Variants in COG2 observed in about 807,000 individuals in gnomAD.
COG2 encodes conserved oligomeric Golgi complex subunit 2.
A neutral mutation model predicts 90.6 loss-of-function variants in COG2; 52 were observed. The observed-to-expected ratio is 0.57, with a 90% confidence interval of 0.46 to 0.72. The LOEUF (loss-of-function observed/expected upper bound fraction) is 0.72. Ranked by LOEUF, COG2 falls within the 30% of genes least tolerant of loss-of-function variation. The pLI is 0.00. For missense variants in COG2, 829 were observed against 891.2 expected, an observed-to-expected ratio of 0.93 and a Z score of 0.89; for synonymous variants, 337 against 320.4, an observed-to-expected ratio of 1.05 and a Z score of -0.55.
chr1:230,674,849 G>A, intron 8 of COG2, 149 bp from the exon 9 acceptor site: 2 of 592,882 alleles, frequency 3.4e-6, no homozygotes, highest in Admixed American at 3.8e-5. Context: ...ACTTGAGTCT[G>A]GAAACAAACT....
intron 17 of COG2, 113 bp downstream of exon 17, chr1:230,691,677 T>C: frequency 1.0e-6 from 1 of 984,806 alleles, no homozygotes. Context: ...GGCTAGGGAA[T>C]TGCTTCCTGT....
At chr1:230,686,710 A>C (rs531094910) in intron 12 of COG2, among the ~76,000 whole-genome samples, 1 of 152,284 alleles carries the variant, frequency 6.6e-6, no homozygotes, top group East Asian at 1.9e-4. Context: ...GACAAGTTCC[A>C]GAAGGTAAAT....
At position 230,669,452 on chromosome 1, in the gene COG2, T is replaced by C; in HGVS notation, c.691T>C (p.Leu231=). 1 of 1,614,128 alleles carries C rather than the reference T, an allele frequency of 6.2e-7. No homozygotes were observed. Among genetic ancestry groups the C allele is most frequent in the Non-Finnish European group, 8.5e-7 (1 of 1,179,988 alleles). Residue 231 remains leucine (L), a synonymous_variant, in exon 7 of 18, where the codon TTG becomes CTG. Coordinates refer to ENST00000366669, the MANE Select transcript of COG2 (RefSeq NM_007357.3). ...TSDVDIIRHC[L]RTYATIDKTR... The stretch of plus-strand genomic sequence containing the variant: ...TGACGTCGATATAATACGGCACTGC[T>C]TGCGGACTTACGCCACGATTGACAA...
intron 10 of COG2, chr1:230,680,097 T>C (rs1662703670): frequency 6.6e-6 from 1 of 152,234 alleles, no homozygotes; most frequent in Non-Finnish European, 1.5e-5. Flanking sequence ...AATTACGGAT[T>C]TGTTCATCTA....
At chr1:230,685,013 G>A (rs1470596025) in intron 11 of COG2, 72 bp from the exon 12 acceptor site, 6 of 1,000,026 alleles carry the variant, frequency 6.0e-6, no homozygotes, top group Non-Finnish European at 8.9e-6. Flanking sequence ...TACATCGGAA[G>A]TCTCACATTA....
chr1:230,672,664 T>TAA (rs11297922), intron 8 of COG2, among the ~76,000 whole-genome samples: 2 of 146,486 alleles, frequency 1.4e-5, no homozygotes, highest in African/African-American at 5.0e-5. Context: ...AACCCCATCT[T>TAA]AAAAAAAAAA....
chr1:230,683,435 G>C (rs906641616), intron 10 of COG2, 139 bp from the exon 11 acceptor site: 16 of 570,666 alleles, frequency 2.8e-5, no homozygotes, highest in Non-Finnish European at 3.1e-5. Context: ...AAAAAGCCTG[G>C]GAGAATAGGC....
intron 16 of COG2, 144 bp downstream of exon 16, chr1:230,690,297 A>C (rs1481197936): frequency 5.8e-6 from 4 of 686,860 alleles, no homozygotes; most frequent in Non-Finnish European, 9.3e-6. Context: ...TGTGTGTCCC[A>C]CTGTTTGCTT....
chr1:230,669,800 T>G, intron 7 of COG2: 2 of 339,094 alleles, frequency 5.9e-6, no homozygotes, highest in Non-Finnish European at 1.1e-5. Flanking sequence ...GGCATCCACG[T>G]GCTTTTAGGT....
chr1:230,649,823 A>G (rs1661870303), intron 1 of COG2, among the ~76,000 whole-genome samples: 1 of 152,156 alleles, frequency 6.6e-6, no homozygotes, highest in Non-Finnish European at 1.5e-5. Context: ...TTCATCACCC[A>G]GACAGTGAAT....
intron 7 of COG2, chr1:230,671,228 C>CT: frequency 5.3e-6 from 1 of 188,730 alleles, no homozygotes. Flanking sequence ...TGCTTTAAAT[C>CT]TTTTTTTAAA....
At chr1:230,679,102 T>A (rs776388698) in intron 10 of COG2, 50 bp downstream of exon 10, 8 of 1,548,534 alleles carry the variant, frequency 5.2e-6, no homozygotes, top group Non-Finnish European at 4.4e-6. Flanking sequence ...AAAACAGAAT[T>A]GGAATGCCAG....
In COG2 at chr1:230,672,650, A is replaced by G. The variant is rs184941095; in HGVS notation, c.899+1010A>G. Among the ~76,000 whole-genome samples, 7 of 142,242 alleles carry G rather than the reference A, an allele frequency of 4.9e-5. No homozygotes were observed. In the East Asian group the frequency reaches 1.6e-3, roughly 32 times the overall value. The allele number at this position is 142,242 out of a possible 152,430, so 93.3% of individuals were successfully genotyped here. ...GTTCAAGACCAGCCTGGGCAACATG[A>G]CAAAACCCCATCTTAAAAAAAAAAA... is the stretch of plus-strand genomic sequence containing the variant. On this transcript the variant is annotated intron_variant, in intron 8 of 17. Transcript: ENST00000366669.
intron 1 of COG2, among the ~76,000 whole-genome samples, chr1:230,653,481 A>C (rs1384654402): frequency 1.8e-5 from 1 of 54,706 alleles, no homozygotes; most frequent in Non-Finnish European, 3.4e-5. Flanking sequence ...TCAGCCTCTC[A>C]AAGCGCTGGC....
At position 230,660,752 on chromosome 1, in the gene COG2, C is replaced by CT. The variant is rs766625647; in HGVS notation, c.235-3dup. On this transcript the variant is annotated splice_polypyrimidine_tract_variant and splice_region_variant and intron_variant, in intron 2 of 17. Coordinates refer to ENST00000366669, the MANE Select transcript of COG2 (RefSeq NM_007357.3). ...GTGTGTGTGCCAACATGATTTCTGC[C>CT]TTTAGGTTGGCATGGACAAAGCCCT... 1 of 1,575,064 alleles carries CT rather than the reference C, an allele frequency of 6.3e-7. No individual in the cohort carries two copies.
Position 230,687,080 on chromosome 1 carries a change from C to T in COG2, c.1526C>T (p.Ser509Phe). ...PSETKPVVSI[S>F]RTQLVYVVAD... Reference sequence around the variant, plus strand: ...GAAACAAAGCCTGTGGTTTCCATTTCCCGCACTCAGCTCGTGTATGTGGTT... The same window carrying T: ...GAAACAAAGCCTGTGGTTTCCATTTTCCGCACTCAGCTCGTGTATGTGGTT... The change falls in exon 13 of 18, where the codon TCC becomes TTC. Residue 509 changes from serine to phenylalanine, a missense_variant. Transcript: ENST00000366669. 6.2e-7 allele frequency: 1 copy of T among 1,613,586 alleles called. No individual in the cohort carries two copies. Among genetic ancestry groups the T allele is most frequent in the South Asian group, 1.1e-5 (1 of 90,906 alleles).
intron 9 of COG2, among the ~76,000 whole-genome samples, chr1:230,677,628 A>G (rs189060150): frequency 6.6e-6 from 1 of 152,328 alleles, no homozygotes; most frequent in Non-Finnish European, 1.5e-5. Context: ...GCACTAGCAA[A>G]TGTGAAGACG....
intron 16 of COG2, 129 bp downstream of exon 16, chr1:230,690,282 C>CA: frequency 1.3e-6 from 1 of 784,900 alleles, no homozygotes; most frequent in Non-Finnish European, 2.0e-6. Flanking sequence ...CTGGATTAGT[C>CA]AGAGTGTGTG....
rs1006950466 is a variant in COG2 at position 230,668,689 on chromosome 1, G to A, written c.499G>A (p.Gly167Arg). Residue 167 changes from glycine (G) to arginine (R), a missense_variant, in exon 6 of 18, where the codon GGA (glycine) becomes AGA (arginine). Transcript: ENST00000366669. Reference protein sequence around the residue: ...ALEASSPLLTGQILERIATEF... With the variant: ...ALEASSPLLTRQILERIATEF... ...TTTCTCTACTAGCCCCCTTTTGACT[G>A]GACAAATTTTGGAGAGAATTGCCAC... is the stretch of plus-strand genomic sequence containing the variant. 6.2e-7 allele frequency: 1 copy of A among 1,610,292 alleles called. No individual in the cohort carries two copies. Among genetic ancestry groups the A allele is most frequent in the Non-Finnish European group, 8.5e-7 (1 of 1,177,816 alleles).
Sources: allele counts gnomAD v4.1 joint callset (sites outside exome capture counted in the v4.1 genomes callset), GRCh38; gene constraint gnomAD v4.1.1; transcripts MANE v1.5; gene names NCBI Gene and HGNC (gene_info 2026-07-23, HGNC 2026-07-21).